The following RCOR1 variants were observed in gnomAD, a reference collection of about 807,000 sequenced individuals.
RCOR1 encodes the protein REST corepressor.
RCOR1 carries 12 observed loss-of-function variants against 64.0 expected under a neutral mutation model. The ratio of observed to expected loss-of-function variants is 0.19; its 90% CI spans 0.12 to 0.30. RCOR1 has a LOEUF of 0.30. Among genes scored for constraint, RCOR1 ranks in the 10% least tolerant of loss-of-function variants. The probability of loss-of-function intolerance (pLI) is 1.00; values close to 1 mark genes in which losing one functional copy is unlikely to be tolerated. For synonymous variants in RCOR1, 279 were observed against 227.2 expected, an observed-to-expected ratio of 1.23 and a Z score of -2.05; for missense variants, 502 against 621.2, an observed-to-expected ratio of 0.81 and a Z score of 2.04.
chr14:102,688,473 T>C (rs1287948418), intron 3 of RCOR1, among the ~76,000 whole-genome samples: 1 of 152,212 alleles, frequency 6.6e-6, no homozygotes, highest in African/African-American at 2.4e-5. Context: ...TTGACAGTCC[T>C]GTGGTTTAGA....
Position 102,729,123 on chromosome 14 carries a change from A to G in RCOR1, c.*2617A>G, listed in dbSNP as rs1440732608. On this transcript the variant is annotated 3_prime_UTR_variant, in exon 12 of 12. Transcript: ENST00000262241. Reference sequence around the variant, plus strand: ...ATAATTATATATATTTTTGTGGAAAATTTTCTCCTAAGTATAAGTTATTGT... The same window carrying G: ...ATAATTATATATATTTTTGTGGAAAGTTTTCTCCTAAGTATAAGTTATTGT... 6.6e-6 allele frequency: 1 copy of G among 152,496 alleles called. No individual in the cohort carries two copies. Among genetic ancestry groups the G allele is most frequent in the Non-Finnish European group, 1.5e-5 (1 of 68,002 alleles). The allele number at this position is 152,496 out of a possible 1,614,324, so 9.4% of individuals were successfully genotyped here. A position where few individuals can be genotyped will look rare whatever the true frequency, so the allele number is the denominator to read the frequency against.
chr14:102,619,609 T>C (rs999837039), intron 2 of RCOR1, among the ~76,000 whole-genome samples: 9 of 152,000 alleles, frequency 5.9e-5, no homozygotes, highest in African/African-American at 2.2e-4. Context: ...GCCTCCCTGG[T>C]AGCTGGGACT....
chr14:102,673,599 T>C (rs1299221165), intron 2 of RCOR1, among the ~76,000 whole-genome samples: 3 of 151,790 alleles, frequency 2.0e-5, no homozygotes, highest in Admixed American at 2.0e-4. Flanking sequence ...CCTCCCAAAG[T>C]GCTGGGATTA....
rs45560740 is a variant in RCOR1, at chr14:102,729,718, C to T, written c.*3212C>T. 12,365 of 397,724 alleles carry T rather than the reference C, an allele frequency of 0.031. 305 individuals carry two copies. Among genetic ancestry groups the T allele is most frequent in the Middle Eastern group, 0.037 (58 of 1,588 alleles). The allele number at this position is 397,724 out of a possible 1,614,324, so 24.6% of individuals were successfully genotyped here. On this transcript the variant is annotated 3_prime_UTR_variant, in exon 12 of 12. Coordinates refer to ENST00000262241, the MANE Select transcript of RCOR1 (RefSeq NM_015156.4). The stretch of plus-strand genomic sequence containing the variant: ...TGTCACTTTAAATTTCAACGATACC[C>T]TATTTTTGTCATTCTAAATATCAGA...
At chr14:102,643,758 G>A (rs191739909) in intron 2 of RCOR1, among the ~76,000 whole-genome samples, 1 of 152,286 alleles carries the variant, frequency 6.6e-6, no homozygotes, top group Non-Finnish European at 1.5e-5. Context: ...ACTTGAAATG[G>A]GGAGGACGGG....
At chr14:102,598,466 G>A (rs1369862408) in intron 2 of RCOR1, among the ~76,000 whole-genome samples, 1 of 40,630 alleles carries the variant, frequency 2.5e-5, no homozygotes, top group African/African-American at 9.0e-5. Context: ...TTTTTTTTTT[G>A]AGACGGTGTC....
chr14:102,713,547 G>A (rs1440117053), intron 7 of RCOR1, among the ~76,000 whole-genome samples: 1 of 151,812 alleles, frequency 6.6e-6, no homozygotes, highest in Non-Finnish European at 1.5e-5. Flanking sequence ...CTCCCAAAGT[G>A]CTGGGATTAC....
chr14:102,703,772 C>G (rs1895795842), intron 4 of RCOR1, among the ~76,000 whole-genome samples: 2 of 152,180 alleles, frequency 1.3e-5, no homozygotes, highest in Non-Finnish European at 2.9e-5. Context: ...AAAAAAAGTT[C>G]CTGGGGATGA....
At chr14:102,615,227 G>A (rs139005839) in intron 2 of RCOR1, among the ~76,000 whole-genome samples, 81 of 148,178 alleles carry the variant, frequency 5.5e-4, no homozygotes, top group South Asian at 1.5e-3. Flanking sequence ...CTTCCTCCTG[G>A]GCTCAAGTGA....
At chr14:102,690,772 C>T (rs758839081) in intron 3 of RCOR1, among the ~76,000 whole-genome samples, 7 of 152,140 alleles carry the variant, frequency 4.6e-5, no homozygotes, top group South Asian at 2.1e-4. Flanking sequence ...CACCGGACAT[C>T]GTATTATCTA....
In RCOR1 at chr14:102,666,276, G is replaced by T. The variant is rs1357365924; in HGVS notation, c.362-15619G>T. Among the ~76,000 whole-genome samples the T allele has an allele frequency of 3.3e-5, 5 of 152,310 alleles. No individual in the cohort carries two copies. The East Asian group carries it at 9.6e-4, about 29-fold the overall frequency. ...AGCAGGCCAGATTATGAAGGGTCTT[G>T]CATGCCATGGGTTTTTTCCCTAAAG... On this transcript the variant is annotated intron_variant, in intron 2 of 11. Coordinates refer to ENST00000262241, the MANE Select transcript of RCOR1 (RefSeq NM_015156.4).
chr14:102,647,173 G>A (rs933342632), intron 2 of RCOR1, among the ~76,000 whole-genome samples: 10 of 152,164 alleles, frequency 6.6e-5, no homozygotes, highest in African/African-American at 2.4e-4. Flanking sequence ...TGAGATTTCA[G>A]AACACTGAGA....
chr14:102,608,564 A>G (rs1893562981), intron 2 of RCOR1, among the ~76,000 whole-genome samples: 1 of 150,254 alleles, frequency 6.7e-6, no homozygotes, highest in Non-Finnish European at 1.5e-5. Flanking sequence ...CCTCCCAAGT[A>G]GCTGGGATTA....
chr14:102,646,612 G>A (rs564844366), intron 2 of RCOR1, among the ~76,000 whole-genome samples: 19 of 152,342 alleles, frequency 1.2e-4, no homozygotes, highest in South Asian at 6.2e-4. Flanking sequence ...GAAAGACAAT[G>A]CCTGATTGGC....
intron 2 of RCOR1, among the ~76,000 whole-genome samples, chr14:102,678,085 C>T (rs546417730): frequency 2.7e-5 from 4 of 150,660 alleles, no homozygotes; most frequent in African/African-American, 4.9e-5. Flanking sequence ...CGCCTGCAAT[C>T]GCAGGCACTC....
At chr14:102,598,671 A>G (rs543665589) in intron 2 of RCOR1, among the ~76,000 whole-genome samples, 1 of 150,962 alleles carries the variant, frequency 6.6e-6, no homozygotes, top group Non-Finnish European at 1.5e-5. Context: ...GATGGTCTCA[A>G]TCTCCTGACC....
At chr14:102,676,343 A>ACCC (rs35475812) in intron 2 of RCOR1, among the ~76,000 whole-genome samples, 1 of 120,640 alleles carries the variant, frequency 8.3e-6, no homozygotes, top group African/African-American at 3.5e-5. Flanking sequence ...CGGGGGGCTG[A>ACCC]CCCCCCCACC....
chr14:102,704,442 A>G (rs1470372869), intron 4 of RCOR1, among the ~76,000 whole-genome samples: 1 of 152,120 alleles, frequency 6.6e-6, no homozygotes, highest in African/African-American at 2.4e-5. Flanking sequence ...TTTTTATTTT[A>G]TTTTTTTGAG....
chr14:102,648,358 C>T (rs1375467063), intron 2 of RCOR1, among the ~76,000 whole-genome samples: 1 of 152,206 alleles, frequency 6.6e-6, no homozygotes, highest in African/African-American at 2.4e-5. Flanking sequence ...GGATTACAGG[C>T]ATGAGCCATT....
Sources: allele counts gnomAD v4.1 joint callset (sites outside exome capture counted in the v4.1 genomes callset), GRCh38; gene constraint gnomAD v4.1.1; transcripts MANE v1.5; gene names NCBI Gene and HGNC (gene_info 2026-07-23, HGNC 2026-07-21).